MAP4K5: variants seen among roughly 807,000 people sequenced by gnomAD.
MAP4K5 encodes MAPK/ERK kinase kinase kinase 5.
MAP4K5 carries 82 observed loss-of-function variants against 135.6 expected under a neutral mutation model. That is an observed-to-expected ratio of 0.60 (90% confidence interval 0.51 to 0.73). MAP4K5 has a LOEUF of 0.73. Ranked by LOEUF, MAP4K5 falls within the 30% of genes least tolerant of loss-of-function variation. The pLI, the probability that MAP4K5 is intolerant of heterozygous loss-of-function variation, is 0.00. For synonymous variants in MAP4K5, 347 were observed against 335.0 expected, an observed-to-expected ratio of 1.04 and a Z score of -0.39; for missense variants, 907 against 1,010.9, an observed-to-expected ratio of 0.90 and a Z score of 1.39.
intron 2 of MAP4K5, among the ~76,000 whole-genome samples, chr14:50,539,845 A>G (rs564730184): frequency 9.8e-5 from 15 of 152,350 alleles, no homozygotes; most frequent in African/African-American, 3.4e-4. Flanking sequence ...ATAGCTTACA[A>G]TCTATGTGCT....
At chr14:50,433,881 T>G (rs188283789) in intron 28 of MAP4K5, among the ~76,000 whole-genome samples, 1 of 152,384 alleles carries the variant, frequency 6.6e-6, no homozygotes, top group East Asian at 1.9e-4. Context: ...TGATTTGTTC[T>G]AATTTTAAAG....
In MAP4K5 at chr14:50,443,890, TA is replaced by T. The variant is rs766022475; in HGVS notation, c.1437+48del. 2.1e-4 allele frequency: 311 copies of T among 1,485,982 alleles called. 1 individual carries two copies. The highest frequency in any genetic ancestry group is 9.3e-4 in the South Asian group (78 of 84,006). The allele number at this position is 1,485,982 out of a possible 1,614,324, so 92.0% of individuals were successfully genotyped here. ...TAAACAGACTATGCCCCTTGCATGA[TA>T]AATATAGTATTATTTACAACTAATT... On this transcript the variant is annotated intron_variant, in intron 19 of 32. Coordinates refer to ENST00000682126, the MANE Select transcript of MAP4K5 (RefSeq NM_006575.6).
At chr14:50,459,554 T>C (rs1238772782) in intron 13 of MAP4K5, among the ~76,000 whole-genome samples, 2 of 152,174 alleles carry the variant, frequency 1.3e-5, no homozygotes, top group Non-Finnish European at 2.9e-5. Flanking sequence ...TCCCTTACCC[T>C]TTAATGGCTT....
rs2035668970 is a variant in MAP4K5 at position 50,419,187 on chromosome 14, A to C, written c.*832T>G. The C allele has an allele frequency of 6.6e-6, 1 of 152,204 alleles. No individual in the cohort carries two copies. Among genetic ancestry groups the C allele is most frequent in the South Asian group, 2.1e-4 (1 of 4,824 alleles). 9.4% of individuals were successfully genotyped at this position (152,204 alleles called of 1,614,324 possible). On this transcript the variant is annotated 3_prime_UTR_variant, in exon 33 of 33. Transcript: ENST00000682126. ...ATTATCCCTAATGTAAAGAAAAATC[A>C]CAGGTATTTTATACTGCTTGTCAAG...
At chr14:50,496,328 A>G (rs1440619224) in intron 3 of MAP4K5, among the ~76,000 whole-genome samples, 1 of 152,178 alleles carries the variant, frequency 6.6e-6, no homozygotes, top group African/African-American at 2.4e-5. Context: ...CTCCAACTCA[A>G]CAAAAACAAA....
chr14:50,468,883 G>A (rs2036893209), intron 9 of MAP4K5, 101 bp from the exon 10 acceptor site: 3 of 1,065,414 alleles, frequency 2.8e-6, no homozygotes, highest in East Asian at 2.6e-5. Flanking sequence ...GAAGGAAGCT[G>A]AGAGGTGTTT....
intron 9 of MAP4K5, among the ~76,000 whole-genome samples, chr14:50,471,159 C>T (rs1356257010): frequency 1.3e-5 from 2 of 152,138 alleles, no homozygotes; most frequent in Non-Finnish European, 2.9e-5. Flanking sequence ...GCTATTCTTC[C>T]TGATGCTCTC....
chr14:50,491,367 G>T (rs77995772), intron 3 of MAP4K5, among the ~76,000 whole-genome samples: 1 of 149,684 alleles, frequency 6.7e-6, no homozygotes, highest in Non-Finnish European at 1.5e-5. Context: ...CTGTCACCCA[G>T]GCTAAAGTGC....
At chr14:50,423,250 G>A (rs931641542) in intron 31 of MAP4K5, 74 bp from the exon 32 acceptor site, 1 of 629,912 alleles carries the variant, frequency 1.6e-6, no homozygotes, top group Non-Finnish European at 2.8e-6. Flanking sequence ...AATTAATTTA[G>A]AGCAATTATT....
At chr14:50,560,271 C>T in intron 1 of MAP4K5, 1 of 1,614,012 alleles carries the variant, frequency 6.2e-7, no homozygotes, top group Non-Finnish European at 8.5e-7. Context: ...CCACCATGGC[C>T]AAGAACCGCA....
intron 2 of MAP4K5, among the ~76,000 whole-genome samples, chr14:50,539,674 AG>A (rs1355640952): frequency 6.6e-6 from 1 of 152,248 alleles, no homozygotes; most frequent in Non-Finnish European, 1.5e-5. Flanking sequence ...GTTTCAGTAT[AG>A]CCCTAATGGG....
intron 1 of MAP4K5, among the ~76,000 whole-genome samples, chr14:50,551,918 A>G (rs1303854098): frequency 6.6e-6 from 1 of 152,204 alleles, no homozygotes; most frequent in African/African-American, 2.4e-5. Flanking sequence ...CCAAACAAGG[A>G]AAATTTGAAA....
intron 1 of MAP4K5, among the ~76,000 whole-genome samples, chr14:50,547,152 T>A (rs2038644171): frequency 6.6e-6 from 1 of 152,182 alleles, no homozygotes; most frequent in East Asian, 1.9e-4. Context: ...TAAGTTAGAA[T>A]AGTGATTAGA....
In MAP4K5 at chr14:50,455,073, G is replaced by A. The variant is rs1175448297; in HGVS notation, c.1015+1443C>T. On this transcript the variant is annotated intron_variant, in intron 14 of 32. Coordinates refer to ENST00000682126, the MANE Select transcript of MAP4K5 (RefSeq NM_006575.6). Reference sequence around the variant, plus strand: ...AACCCTAAAATATCTATGCCAATTCGGTATATAATAAAGATGGCATATCAA... The same window carrying A: ...AACCCTAAAATATCTATGCCAATTCAGTATATAATAAAGATGGCATATCAA... Among the ~76,000 whole-genome samples, 5 of 151,646 alleles carry A rather than the reference G, an allele frequency of 3.3e-5. 1 individual carries two copies. Among genetic ancestry groups the A allele is most frequent in the Non-Finnish European group, 5.9e-5 (4 of 67,844 alleles).
chr14:50,507,713 C>G (rs1394253009), intron 2 of MAP4K5, among the ~76,000 whole-genome samples: 1 of 152,114 alleles, frequency 6.6e-6, no homozygotes, highest in African/African-American at 2.4e-5. Context: ...GTCTGAGAGA[C>G]AGTTTGTTAT....
At chr14:50,531,842 A>G (rs2038396573) in intron 2 of MAP4K5, 100 bp downstream of exon 2, 1 of 916,272 alleles carries the variant, frequency 1.1e-6, no homozygotes, top group Non-Finnish European at 1.8e-6. Context: ...AGAGGCAACA[A>G]TAAAAGCATC....
chr14:50,466,915 T>C (rs2036845831), intron 10 of MAP4K5, among the ~76,000 whole-genome samples: 1 of 152,202 alleles, frequency 6.6e-6, no homozygotes, highest in Admixed American at 6.5e-5. Context: ...ACTATACTGT[T>C]ACATATGTAA....
At chr14:50,560,872 A>G (rs989116879) in intron 1 of MAP4K5, among the ~76,000 whole-genome samples, 1 of 152,016 alleles carries the variant, frequency 6.6e-6, no homozygotes, top group Non-Finnish European at 1.5e-5. Context: ...GAGAAGGGCC[A>G]CCCTCTTGGG....
At chr14:50,471,178 ACCC>A (rs1310111199) in intron 9 of MAP4K5, among the ~76,000 whole-genome samples, 1 of 151,858 alleles carries the variant, frequency 6.6e-6, no homozygotes, top group African/African-American at 2.4e-5. Context: ...TCCCTCCCTA[ACCC>A]CTGTTGTACC....
Sources: allele counts gnomAD v4.1 joint callset (sites outside exome capture counted in the v4.1 genomes callset), GRCh38; gene constraint gnomAD v4.1.1; transcripts MANE v1.5; gene names NCBI Gene and HGNC (gene_info 2026-07-23, HGNC 2026-07-21).